The following GALNT2 variants were observed in gnomAD, a reference collection of about 807,000 sequenced individuals.
GALNT2 encodes the protein polypeptide N-acetylgalactosaminyltransferase 2, also known as UDP-GalNAc:polypeptide N-acetylgalactosaminyltransferase 2.
Under a neutral mutation model 81.4 loss-of-function variants are expected in GALNT2, and 31 were observed. The ratio of observed to expected loss-of-function variants is 0.38; its 90% CI spans 0.29 to 0.51. The LOEUF (loss-of-function observed/expected upper bound fraction) is 0.51, where lower values mean the gene tolerates loss of function less well. Among genes scored for constraint, GALNT2 ranks in the 20% least tolerant of loss-of-function variants. The probability of loss-of-function intolerance (pLI) is 0.87; values close to 1 mark genes in which losing one functional copy is unlikely to be tolerated. For synonymous variants in GALNT2, 303 were observed against 287.4 expected (o/e 1.05, Z -0.55); for missense variants, 629 against 765.7 (o/e 0.82, Z 2.11).
At chr1:230,130,446 G>A (rs1017641725) in intron 1 of GALNT2, among the ~76,000 whole-genome samples, 9 of 152,184 alleles carry the variant, frequency 5.9e-5, no homozygotes, top group African/African-American at 1.2e-4. Flanking sequence ...GTGCTCAGCC[G>A]GTTGTGAAGG....
chr1:230,125,562 C>T (rs1365871904), intron 1 of GALNT2, among the ~76,000 whole-genome samples: 1 of 152,180 alleles, frequency 6.6e-6, no homozygotes, highest in Non-Finnish European at 1.5e-5. Flanking sequence ...GGGATTTCGT[C>T]AATAATGCTG....
chr1:230,221,407 G>A (rs1039406838), intron 3 of GALNT2, among the ~76,000 whole-genome samples: 1 of 152,076 alleles, frequency 6.6e-6, no homozygotes, highest in African/African-American at 2.4e-5. Flanking sequence ...GTGTTATTTG[G>A]TTCTGAAAAT....
chr1:230,244,764 A>G (rs1312437329), intron 7 of GALNT2, among the ~76,000 whole-genome samples: 1 of 152,182 alleles, frequency 6.6e-6, no homozygotes, highest in African/African-American at 2.4e-5. Context: ...AGGCAAGGAA[A>G]GTTGTGTTCT....
intron 1 of GALNT2, among the ~76,000 whole-genome samples, chr1:230,111,420 G>A (rs1660702287): frequency 6.6e-6 from 1 of 152,206 alleles, no homozygotes; most frequent in African/African-American, 2.4e-5. Context: ...AAACACACAT[G>A]TGTATTTACC....
intron 1 of GALNT2, among the ~76,000 whole-genome samples, chr1:230,110,714 G>GTGTTT (rs1553257212): frequency 0.2 from 27,860 of 137,394 alleles, 2,948 homozygotes; most frequent in East Asian, 0.37. Context: ...GTGCTTTTCT[G>GTGTTT]TTTTTTTTTT....
intron 11 of GALNT2, among the ~76,000 whole-genome samples, chr1:230,255,989 G>A (rs563251620): frequency 2.6e-5 from 4 of 152,240 alleles, no homozygotes; most frequent in East Asian, 3.9e-4. Flanking sequence ...GGTGTCTGGC[G>A]AGGGTCTTCT....
At chr1:230,209,035 A>G (rs1311054719) in intron 3 of GALNT2, among the ~76,000 whole-genome samples, 2 of 150,680 alleles carry the variant, frequency 1.3e-5, no homozygotes, top group Non-Finnish European at 3.0e-5. Context: ...ATTTCCCCCC[A>G]TTAGTTAAAA....
At chr1:230,227,820 T>A (rs1269849366) in intron 3 of GALNT2, among the ~76,000 whole-genome samples, 1 of 152,182 alleles carries the variant, frequency 6.6e-6, no homozygotes, top group African/African-American at 2.4e-5. Context: ...AAAGATAGGA[T>A]CAAGGCAAGG....
chr1:230,180,395 C>A (rs1388118784), intron 2 of GALNT2, among the ~76,000 whole-genome samples: 2 of 136,446 alleles, frequency 1.5e-5, no homozygotes, highest in Non-Finnish European at 1.5e-5. Context: ...ATTGCCTTTG[C>A]TCCTTTGTCA....
Position 230,089,791 on chromosome 1 carries a change from G to A in GALNT2, c.126+22385G>A, listed in dbSNP as rs546207758. ...ATAGTTCATTCTATGGACATACAAC[G>A]TTGTGTTTATACATTACGCTGCTAA... is the stretch of plus-strand genomic sequence containing the variant. On this transcript the variant is annotated intron_variant, in intron 1 of 15. Coordinates refer to ENST00000366672, the MANE Select transcript of GALNT2 (RefSeq NM_004481.5). 1.4e-4 allele frequency among the ~76,000 whole-genome samples: 21 copies of A among 152,276 alleles called. No individual in the cohort carries two copies. In the South Asian group the frequency reaches 3.9e-3, roughly 29 times the overall value.
intron 1 of GALNT2, among the ~76,000 whole-genome samples, chr1:230,143,165 G>A (rs1386784875): frequency 6.6e-6 from 1 of 152,144 alleles, no homozygotes; most frequent in Non-Finnish European, 1.5e-5. Context: ...CCCTTGCAGT[G>A]GATTCTGGGA....
intron 1 of GALNT2, among the ~76,000 whole-genome samples, chr1:230,071,326 A>G (rs968768446): frequency 6.6e-6 from 1 of 152,220 alleles, no homozygotes; most frequent in African/African-American, 2.4e-5. Context: ...ACACCATGCC[A>G]GCTCTCTTGT....
At chr1:230,218,444 G>T (rs546265009) in intron 3 of GALNT2, among the ~76,000 whole-genome samples, 59 of 152,302 alleles carry the variant, frequency 3.9e-4, no homozygotes, top group African/African-American at 1.4e-3. Context: ...TAAGTTAAGG[G>T]TGATGATAAT....
intron 1 of GALNT2, among the ~76,000 whole-genome samples, chr1:230,159,169 C>T (rs2144300): frequency 0.45 from 67,710 of 152,018 alleles, 18,154 homozygotes; most frequent in Non-Finnish European, 0.6. Flanking sequence ...ACGCTGTACC[C>T]CTGCCCTATT....
At chr1:230,254,855 A>G (rs1665657922) in intron 10 of GALNT2, among the ~76,000 whole-genome samples, 1 of 152,242 alleles carries the variant, frequency 6.6e-6, no homozygotes, top group Non-Finnish European at 1.5e-5. Context: ...GTCACTCAGT[A>G]GTTACGATGA....
upstream of GALNT2, chr1:230,067,199 C>T (rs1398381215): frequency 5.7e-6 from 5 of 873,636 alleles, no homozygotes; most frequent in Non-Finnish European, 5.9e-6. Flanking sequence ...CTCCGCTCCT[C>T]CCCCGGCCCC....
chr1:230,245,912 G>C (rs892581813), intron 7 of GALNT2, 151 bp from the exon 8 acceptor site: 7 of 650,126 alleles, frequency 1.1e-5, no homozygotes, highest in Non-Finnish European at 2.0e-5. Context: ...GGGTCTGGGT[G>C]GGGAGGCTGG....
At chr1:230,222,262 G>A (rs916977402) in intron 3 of GALNT2, among the ~76,000 whole-genome samples, 7 of 151,846 alleles carry the variant, frequency 4.6e-5, no homozygotes, top group African/African-American at 9.7e-5. Flanking sequence ...TCCTGACCTC[G>A]TGATCCGCCC....
At chr1:230,190,242 A>G (rs1479957110) in intron 2 of GALNT2, among the ~76,000 whole-genome samples, 1 of 152,256 alleles carries the variant, frequency 6.6e-6, no homozygotes, top group Non-Finnish European at 1.5e-5. Context: ...CCATCCAGAA[A>G]CAACCACCAT....
Sources: allele counts gnomAD v4.1 joint callset (sites outside exome capture counted in the v4.1 genomes callset), GRCh38; gene constraint gnomAD v4.1.1; transcripts MANE v1.5; gene names NCBI Gene and HGNC (gene_info 2026-07-23, HGNC 2026-07-21).